NRXN3: variants seen among roughly 807,000 people sequenced by gnomAD.
The protein encoded by NRXN3 is neurexin III.
In NRXN3, 32 loss-of-function variants were observed where a neutral mutation model predicts 137.6. The ratio of observed to expected loss-of-function variants is 0.23; its 90% CI spans 0.18 to 0.31. NRXN3 has a LOEUF of 0.31. NRXN3 is among the 10% of genes least tolerant of loss of function. NRXN3 has a pLI of 1.00. For missense variants in NRXN3, 1,574 were observed against 2,062.5 expected, an observed-to-expected ratio of 0.76 and a Z score of 4.59; for synonymous variants, 798 against 784.5, an observed-to-expected ratio of 1.02 and a Z score of -0.29.
intron 15 of NRXN3, among the ~76,000 whole-genome samples, chr14:79,131,705 C>T (rs1226684447): frequency 1.3e-5 from 2 of 152,248 alleles, no homozygotes; most frequent in Non-Finnish European, 2.9e-5. Flanking sequence ...GTTGGCTCCA[C>T]CCAGTTGGAG....
chr14:79,014,482 A>T (rs2099576020), intron 15 of NRXN3, among the ~76,000 whole-genome samples: 1 of 152,054 alleles, frequency 6.6e-6, no homozygotes, highest in African/African-American at 2.4e-5. Flanking sequence ...TATGTATCAC[A>T]TTTTCTTTAT....
At chr14:79,388,955 G>C (rs950449904) in intron 15 of NRXN3, among the ~76,000 whole-genome samples, 12 of 152,128 alleles carry the variant, frequency 7.9e-5, no homozygotes, top group African/African-American at 2.9e-4. Flanking sequence ...CTGCAACCAC[G>C]TAGGTTATGC....
intron 10 of NRXN3, among the ~76,000 whole-genome samples, chr14:78,937,598 T>C (rs1243226920): frequency 6.6e-6 from 1 of 152,230 alleles, no homozygotes; most frequent in Admixed American, 6.5e-5. Flanking sequence ...TTCAAAATCA[T>C]ATTTTTTAAA....
At chr14:79,517,100 C>CCCA (rs2096996384) in intron 16 of NRXN3, among the ~76,000 whole-genome samples, 1 of 146,016 alleles carries the variant, frequency 6.8e-6, no homozygotes, top group South Asian at 2.2e-4. Flanking sequence ...CAGCCCCCCC[C>CCCA]CCCTCAACGA....
At chr14:78,772,592 A>G (rs578145301) in intron 8 of NRXN3, among the ~76,000 whole-genome samples, 1 of 152,270 alleles carries the variant, frequency 6.6e-6, no homozygotes, top group African/African-American at 2.4e-5. Context: ...AATAACAAAT[A>G]ACAGATCAGA....
At chr14:78,923,578 GCTC>G (rs1269906636) in intron 10 of NRXN3, among the ~76,000 whole-genome samples, 1 of 152,152 alleles carries the variant, frequency 6.6e-6, no homozygotes, top group African/African-American at 2.4e-5. Context: ...TCTAATCAAT[GCTC>G]CTGCTCCCAC....
At chr14:79,556,495 T>C (rs903482594) in intron 16 of NRXN3, among the ~76,000 whole-genome samples, 1 of 152,136 alleles carries the variant, frequency 6.6e-6, no homozygotes, top group African/African-American at 2.4e-5. Context: ...GCCCCTGAGA[T>C]TCCTCTTTTT....
intron 15 of NRXN3, among the ~76,000 whole-genome samples, chr14:79,244,790 T>G (rs573845397): frequency 6.6e-6 from 1 of 152,284 alleles, no homozygotes; most frequent in East Asian, 1.9e-4. Flanking sequence ...AAGCGTATAT[T>G]GGAGGCATTA....
chr14:79,506,619 T>C (rs1444424712), intron 16 of NRXN3, among the ~76,000 whole-genome samples: 2 of 152,200 alleles, frequency 1.3e-5, no homozygotes, highest in African/African-American at 4.8e-5. Context: ...CTTTCCTAGC[T>C]CCCTTTTCCT....
intron 6 of NRXN3, among the ~76,000 whole-genome samples, chr14:78,655,712 A>T (rs1169840555): frequency 1.3e-5 from 2 of 152,178 alleles, no homozygotes; most frequent in Admixed American, 1.3e-4. Flanking sequence ...TGATAACCTC[A>T]TGGAGCTCTG....
chr14:78,818,534 A>G (rs150544906), intron 10 of NRXN3, among the ~76,000 whole-genome samples: 26 of 152,298 alleles, frequency 1.7e-4, no homozygotes, highest in African/African-American at 6.3e-4. Flanking sequence ...AATATATATT[A>G]CTTTCTCTGT....
At chr14:79,065,311 G>C (rs77072592) in intron 15 of NRXN3, among the ~76,000 whole-genome samples, 3 of 151,892 alleles carry the variant, frequency 2.0e-5, no homozygotes, top group Non-Finnish European at 4.4e-5. Context: ...GAAAGGAACC[G>C]GTCAGGTAGA....
At chr14:79,402,544 A>G (rs1343327062) in intron 15 of NRXN3, among the ~76,000 whole-genome samples, 1 of 152,230 alleles carries the variant, frequency 6.6e-6, no homozygotes, top group Non-Finnish European at 1.5e-5. Flanking sequence ...ATGATATTGT[A>G]GGTCTTAAAT....
intron 15 of NRXN3, among the ~76,000 whole-genome samples, chr14:79,421,324 T>A (rs948694668): frequency 1.3e-5 from 2 of 152,218 alleles, no homozygotes; most frequent in African/African-American, 4.8e-5. Flanking sequence ...TGATAAAATT[T>A]ATGAGAAACT....
chr14:78,266,041 ACCTTACTTGAAGT>A (rs1316551249), intron 2 of NRXN3, among the ~76,000 whole-genome samples: 1 of 152,274 alleles, frequency 6.6e-6, no homozygotes, highest in East Asian at 1.9e-4. Context: ...AAAGGAATGG[ACCTTACTTGAAGT>A]CCTAAGACTC....
At chr14:78,935,503 G>A (rs944222608) in intron 10 of NRXN3, among the ~76,000 whole-genome samples, 15 of 152,146 alleles carry the variant, frequency 9.9e-5, no homozygotes, top group African/African-American at 3.1e-4. Flanking sequence ...CTCACATACT[G>A]TAAAATCATC....
intron 15 of NRXN3, among the ~76,000 whole-genome samples, chr14:79,162,966 C>T (rs2060938115): frequency 6.6e-6 from 1 of 151,828 alleles, no homozygotes; most frequent in Non-Finnish European, 1.5e-5. Flanking sequence ...ACATCCCTTC[C>T]ACTCCCTTTC....
intron 10 of NRXN3, among the ~76,000 whole-genome samples, chr14:78,875,670 T>C (rs1014928002): frequency 6.6e-6 from 1 of 152,230 alleles, no homozygotes; most frequent in Non-Finnish European, 1.5e-5. Flanking sequence ...GATTTTAAAA[T>C]GTGTTTTATT....
At chr14:79,227,502 G>A (rs1274066042) in intron 15 of NRXN3, among the ~76,000 whole-genome samples, 1 of 152,122 alleles carries the variant, frequency 6.6e-6, no homozygotes, top group Non-Finnish European at 1.5e-5. Flanking sequence ...TATTTGGAAA[G>A]AGTCTGATTA....
Sources: gnomAD v4.1 joint callset for allele counts (sites outside exome capture counted in the v4.1 genomes callset) on GRCh38, gnomAD v4.1.1 for gene constraint, MANE v1.5 for transcripts, NCBI Gene and HGNC (gene_info 2026-07-23, HGNC 2026-07-21) for gene names.